TUSC3: variants seen among roughly 807,000 people sequenced by gnomAD.
TUSC3 encodes the protein dolichyl-diphosphooligosaccharide--protein glycosyltransferase subunit TUSC3.
Under a neutral mutation model 44.8 loss-of-function variants are expected in TUSC3, and 45 were observed. The observed-to-expected ratio is 1.00, with a 90% CI of 0.79 to 1.29. TUSC3 has a LOEUF of 1.29. TUSC3 is among the 50% of genes most tolerant of loss of function. The probability of loss-of-function intolerance (pLI) is 0.00; values close to 1 mark genes in which losing one functional copy is unlikely to be tolerated. For missense variants in TUSC3, 519 were observed against 437.9 expected (o/e 1.19, Z -1.65); for synonymous variants, 212 against 152.9 (o/e 1.39, Z -2.85).
rs143209212 is a variant in TUSC3 at position 15,704,412 on chromosome 8, ACT to A, written c.799-26251_799-26250del. Among the ~76,000 whole-genome samples, 507 of 151,968 alleles carry A rather than the reference ACT, an allele frequency of 3.3e-3. 8 individuals carry two copies. The East Asian group carries it at 0.035, about 10-fold the overall frequency. On this transcript the variant is annotated intron_variant, in intron 6 of 10. Transcript: ENST00000503731. The stretch of plus-strand genomic sequence containing the variant: ...CATGTGTTCTATATAAGCCTTGTAA[ACT>A]CTGTTAGGGACCTTGAATTTTAATC...
intron 1 of TUSC3, among the ~76,000 whole-genome samples, chr8:15,564,657 G>T (rs921623394): frequency 2.0e-5 from 3 of 152,088 alleles, no homozygotes; most frequent in African/African-American, 7.2e-5. Flanking sequence ...CTTCTTCACA[G>T]ACACAAGCTA....
At chr8:15,756,320 G>A (rs1419668026) in intron 9 of TUSC3, among the ~76,000 whole-genome samples, 1 of 151,876 alleles carries the variant, frequency 6.6e-6, no homozygotes, top group Non-Finnish European at 1.5e-5. Flanking sequence ...CTGTAAACTT[G>A]GTATGATAAA....
At chr8:15,454,682 A>G (rs1164937494) in intron 1 of TUSC3, among the ~76,000 whole-genome samples, 2 of 152,118 alleles carry the variant, frequency 1.3e-5, no homozygotes, top group African/African-American at 2.4e-5. Context: ...AGCCCTTACT[A>G]TGTAGGTATT....
At chr8:15,440,196 C>T (rs535852450) in intron 1 of TUSC3, among the ~76,000 whole-genome samples, 1 of 152,286 alleles carries the variant, frequency 6.6e-6, no homozygotes, top group South Asian at 2.1e-4. Flanking sequence ...GAAAGGTGAA[C>T]AGAAGTTAAC....
chr8:15,578,540 G>T (rs1209253425), intron 1 of TUSC3, among the ~76,000 whole-genome samples: 2 of 137,030 alleles, frequency 1.5e-5, no homozygotes, highest in East Asian at 2.2e-4. Context: ...GTTGAATTTT[G>T]TCAAAGGCTT....
At chr8:15,518,631 G>C (rs1460332941) in intron 2 of TUSC3, among the ~76,000 whole-genome samples, 1 of 151,992 alleles carries the variant, frequency 6.6e-6, no homozygotes, top group East Asian at 1.9e-4. Flanking sequence ...GACATTAAAT[G>C]AACTGCATAT....
intron 7 of TUSC3, among the ~76,000 whole-genome samples, chr8:15,738,830 T>C (rs1811053391): frequency 3.3e-5 from 4 of 121,726 alleles, no homozygotes; most frequent in African/African-American, 1.3e-4. Context: ...TATCTTGCTT[T>C]TTTTTTTTTT....
At chr8:15,848,224 C>T in the TUSC3 span, among the ~76,000 whole-genome samples, 1 of 152,196 alleles carries the variant, frequency 6.6e-6, no homozygotes, top group East Asian at 1.9e-4. Flanking sequence ...CTGCTTTCAT[C>T]CTTCCCTGTG....
intron 2 of TUSC3, among the ~76,000 whole-genome samples, chr8:15,507,753 T>A (rs1035977364): frequency 1.3e-4 from 20 of 150,422 alleles, no homozygotes; most frequent in African/African-American, 4.4e-4. Context: ...TTTGTACTCT[T>A]TAACAGTCTA....
At position 15,481,559 on chromosome 8, in the gene TUSC3, C is replaced by T. The variant is rs1332216841; in HGVS notation, n.92-1827C>T. On this transcript the variant is annotated intron_variant and non_coding_transcript_variant, in intron 1 of 5. Transcript: ENST00000503191. The stretch of plus-strand genomic sequence containing the variant: ...TTCTCAGCATTCCACAGAGGTATTG[C>T]AGGTTTTGTTCCAGACCACCGCAAT... Among the ~76,000 whole-genome samples the T allele has an allele frequency of 2.6e-5, 4 of 152,112 alleles. No homozygotes were observed. In the East Asian group the frequency reaches 5.8e-4, roughly 22 times the overall value.
At chr8:15,494,044 T>G (rs1800845798) in intron 2 of TUSC3, among the ~76,000 whole-genome samples, 1 of 152,176 alleles carries the variant, frequency 6.6e-6, no homozygotes, top group African/African-American at 2.4e-5. Context: ...GTGGCATGCT[T>G]GAGATCTTTG....
intron 1 of TUSC3, among the ~76,000 whole-genome samples, chr8:15,569,849 C>T (rs374230495): frequency 3.0e-4 from 46 of 152,000 alleles, no homozygotes; most frequent in African/African-American, 7.0e-4. Context: ...CCATTTAGTG[C>T]GGACCAAAGG....
chr8:15,811,523 G>A, the TUSC3 span, among the ~76,000 whole-genome samples: 40 of 152,336 alleles, frequency 2.6e-4, no homozygotes, highest in South Asian at 7.7e-3. Flanking sequence ...AGGAGACTGG[G>A]AAAAGTAGTC....
rs536334158 is a variant in TUSC3 at position 15,621,954 on chromosome 8, G to A, written c.139-1126G>A. ...TTTATCTTTTTTCCTGTTCAAGTGG[G>A]TGCAAAGCACTGCAACAAGTCTTTT... is the stretch of plus-strand genomic sequence containing the variant. On this transcript the variant is annotated intron_variant, in intron 1 of 10. Coordinates refer to ENST00000503731, the MANE Select transcript of TUSC3 (RefSeq NM_006765.4). Among the ~76,000 whole-genome samples, 87 of 151,844 alleles carry A rather than the reference G, an allele frequency of 5.7e-4. 1 individual carries two copies. The Middle Eastern group carries it at 0.01, about 18-fold the overall frequency.
intron 1 of TUSC3, 74 bp from the exon 2 acceptor site, chr8:15,623,006 T>C: frequency 7.0e-7 from 1 of 1,429,310 alleles, no homozygotes; most frequent in East Asian, 2.4e-5. Flanking sequence ...ATAAAACATT[T>C]TATGCATTTA....
At chr8:15,668,219 T>A (rs1257491530) in intron 5 of TUSC3, among the ~76,000 whole-genome samples, 2 of 151,772 alleles carry the variant, frequency 1.3e-5, no homozygotes, top group South Asian at 2.1e-4. Context: ...CATGAATAAA[T>A]AGGTTTAAGG....
chr8:15,563,463 G>A (rs1287272444), intron 1 of TUSC3, among the ~76,000 whole-genome samples: 12 of 151,930 alleles, frequency 7.9e-5, no homozygotes, highest in Non-Finnish European at 1.0e-4. Context: ...TGAGGTGGGC[G>A]GATCACAAGG....
chr8:15,665,598 T>C (rs985752311), intron 5 of TUSC3, among the ~76,000 whole-genome samples: 1 of 151,082 alleles, frequency 6.6e-6, no homozygotes, highest in African/African-American at 2.4e-5. Flanking sequence ...GGTTGCAATT[T>C]CCTGACATAG....
chr8:15,589,495 G>A (rs893609792), intron 1 of TUSC3, among the ~76,000 whole-genome samples: 1 of 152,086 alleles, frequency 6.6e-6, no homozygotes, highest in Non-Finnish European at 1.5e-5. Flanking sequence ...ATAAAGAGGG[G>A]TTTAACATGA....
Sources: gnomAD v4.1 joint callset for allele counts (sites outside exome capture counted in the v4.1 genomes callset) on GRCh38, gnomAD v4.1.1 for gene constraint, MANE v1.5 for transcripts, NCBI Gene and HGNC (gene_info 2026-07-23, HGNC 2026-07-21) for gene names.